The following PELI2 variants were observed in gnomAD, a reference collection of about 807,000 sequenced individuals.
PELI2 encodes E3 ubiquitin-protein ligase pellino homolog 2.
A neutral mutation model predicts 42.3 loss-of-function variants in PELI2; 23 were observed. That is an observed-to-expected ratio of 0.54 (90% CI 0.39 to 0.77). PELI2 has a LOEUF of 0.77. PELI2 is among the 30% of genes least tolerant of loss of function. The pLI is 0.00. For synonymous variants in PELI2, 245 were observed against 212.2 expected (o/e 1.15, Z -1.34); for missense variants, 463 against 553.2 (o/e 0.84, Z 1.64).
In PELI2 at chr14:56,180,488, A is replaced by G. The variant is rs371387056; in HGVS notation, c.207+2024A>G. Reference sequence around the variant, plus strand: ...AGTGTTAGATAGTGACTTTCCTCCAACCAACTTCTATCTCTTTTAAAGGTT... The same window carrying G: ...AGTGTTAGATAGTGACTTTCCTCCAGCCAACTTCTATCTCTTTTAAAGGTT... On this transcript the variant is annotated intron_variant, in intron 2 of 5. Coordinates refer to ENST00000267460, the MANE Select transcript of PELI2 (RefSeq NM_021255.3). This position sits in a 1 kb window ranked among gnomAD's most constrained non-coding sequence, Gnocchi z 4.4. Among the ~76,000 whole-genome samples, 2 of 152,126 alleles carry G rather than the reference A, an allele frequency of 1.3e-5. No homozygotes were observed. The highest frequency in any genetic ancestry group is 1.9e-4 in the East Asian group (1 of 5,194).
intron 2 of PELI2, among the ~76,000 whole-genome samples, chr14:56,257,976 G>C (rs1888579988): frequency 6.6e-6 from 1 of 152,174 alleles, no homozygotes; most frequent in Non-Finnish European, 1.5e-5. Flanking sequence ...TTTTGTTTGT[G>C]TGCATGGTGA....
chr14:56,245,955 G>A (rs1594679042), intron 2 of PELI2, among the ~76,000 whole-genome samples: 1 of 152,114 alleles, frequency 6.6e-6, no homozygotes, highest in Non-Finnish European at 1.5e-5. Flanking sequence ...TCAGATTTTG[G>A]TATCTGCAGG....
chr14:56,133,583 C>T (rs1157412841), intron 1 of PELI2, among the ~76,000 whole-genome samples: 2 of 152,172 alleles, frequency 1.3e-5, no homozygotes, highest in African/African-American at 4.8e-5. Context: ...TGGGGCCTTT[C>T]CCCCACCCCC....
At chr14:56,200,199 C>T (rs911862444) in intron 2 of PELI2, among the ~76,000 whole-genome samples, 5 of 152,136 alleles carry the variant, frequency 3.3e-5, no homozygotes, top group Non-Finnish European at 5.9e-5. Context: ...ACTGCTACTA[C>T]ACCACCTTGC....
chr14:56,144,313 G>A (rs76041955), intron 1 of PELI2, among the ~76,000 whole-genome samples: 2 of 152,312 alleles, frequency 1.3e-5, no homozygotes, highest in East Asian at 3.9e-4. Flanking sequence ...TTATGGGGCT[G>A]GCTAGGTGAG....
chr14:56,254,605 C>T (rs544116432), intron 2 of PELI2, among the ~76,000 whole-genome samples: 62 of 152,206 alleles, frequency 4.1e-4, no homozygotes, highest in African/African-American at 1.4e-3. Context: ...ACTAAAACAA[C>T]AAAAGCAATG....
In PELI2 at chr14:56,279,705, A is replaced by T. The variant is rs1042997692; in HGVS notation, c.237A>T (p.Ile79=). ...TCAGCTGCAAAGGTCAACACAGTAT[A>T]TCCTACACTTTGTCAAGGAATCAGA... ...KAISCKGQHS[I]SYTLSRNQTV... The change falls in exon 3 of 6, where the codon ATA becomes ATT. Residue 79 remains isoleucine, a synonymous_variant. Transcript: ENST00000267460. 1 of 1,601,896 alleles carries T rather than the reference A, an allele frequency of 6.2e-7. No homozygotes were observed. Among genetic ancestry groups the T allele is most frequent in the African/African-American group, 1.3e-5 (1 of 74,770 alleles).
At chr14:56,212,583 C>T (rs1299012868) in intron 2 of PELI2, among the ~76,000 whole-genome samples, 1 of 152,176 alleles carries the variant, frequency 6.6e-6, no homozygotes, top group Non-Finnish European at 1.5e-5. Context: ...TGAAGCTCCT[C>T]AATGCTGTCT....
intron 2 of PELI2, among the ~76,000 whole-genome samples, chr14:56,241,144 C>A (rs1887960995): frequency 6.6e-6 from 1 of 152,086 alleles, no homozygotes; most frequent in African/African-American, 2.4e-5. Flanking sequence ...AGAAAAAGAC[C>A]TTACAGATAG....
intron 2 of PELI2, among the ~76,000 whole-genome samples, chr14:56,217,624 C>G (rs1237892111): frequency 6.6e-6 from 1 of 152,216 alleles, no homozygotes; most frequent in Non-Finnish European, 1.5e-5. Context: ...ACATTTGATA[C>G]CCTTTCATTC....
chr14:56,216,041 C>T (rs1283861495), intron 2 of PELI2, among the ~76,000 whole-genome samples: 3 of 152,170 alleles, frequency 2.0e-5, no homozygotes, highest in Non-Finnish European at 4.4e-5. Flanking sequence ...TTATATTTTG[C>T]AGAGATGTCA....
chr14:56,170,933 G>A (rs1229122365), intron 1 of PELI2, among the ~76,000 whole-genome samples: 5 of 152,128 alleles, frequency 3.3e-5, no homozygotes, highest in Non-Finnish European at 7.4e-5. Flanking sequence ...TTATGGGCTC[G>A]AATTGAAACA....
chr14:56,226,334 G>A (rs1033816740), intron 2 of PELI2, among the ~76,000 whole-genome samples: 11 of 152,104 alleles, frequency 7.2e-5, no homozygotes, highest in Non-Finnish European at 1.3e-4. Flanking sequence ...CAGCCTCACT[G>A]GCCAGCCCAC....
rs1011857609 is a variant in PELI2, at chr14:56,282,785, G to A, written c.309+3008G>A. Among the ~76,000 whole-genome samples, 13 of 151,940 alleles carry A rather than the reference G, an allele frequency of 8.6e-5. No individual in the cohort carries two copies. The East Asian group carries it at 2.5e-3, about 29-fold the overall frequency. On this transcript the variant is annotated intron_variant, in intron 3 of 5. Transcript: ENST00000267460. ...AAAATATCTTCCTACATAAGTATAT[G>A]TATATTCTCCCCTGTTGATATTTTT... is the stretch of plus-strand genomic sequence containing the variant.
intron 2 of PELI2, among the ~76,000 whole-genome samples, chr14:56,230,252 C>T (rs1887508143): frequency 6.6e-6 from 1 of 152,106 alleles, no homozygotes; most frequent in Non-Finnish European, 1.5e-5. Context: ...ACAGAGAATG[C>T]CACAAAGATA....
At chr14:56,153,545 A>C (rs1884442297) in intron 1 of PELI2, among the ~76,000 whole-genome samples, 1 of 152,190 alleles carries the variant, frequency 6.6e-6, no homozygotes, top group South Asian at 2.1e-4. Context: ...GAGTGTCCTT[A>C]GGCCCTAGAA....
At chr14:56,248,308 T>C (rs1888229692) in intron 2 of PELI2, among the ~76,000 whole-genome samples, 1 of 152,214 alleles carries the variant, frequency 6.6e-6, no homozygotes, top group South Asian at 2.1e-4. Flanking sequence ...GCGCACATTT[T>C]AATTTATTCT....
chr14:56,132,843 T>G (rs146957338), intron 1 of PELI2, among the ~76,000 whole-genome samples: 45 of 152,318 alleles, frequency 3.0e-4, no homozygotes, highest in African/African-American at 1.1e-3. Flanking sequence ...GTTAAGCCAG[T>G]TTTAAGTTAT....
At chr14:56,205,128 C>G (rs968083680) in intron 2 of PELI2, among the ~76,000 whole-genome samples, 1 of 151,970 alleles carries the variant, frequency 6.6e-6, no homozygotes, top group Non-Finnish European at 1.5e-5. Flanking sequence ...GAGAAGCCTG[C>G]TAGCTTTGCC....
Sources: gnomAD v4.1 joint callset for allele counts (sites outside exome capture counted in the v4.1 genomes callset) on GRCh38, gnomAD v4.1.1 for gene constraint, Gnocchi (gnomAD v3.1) non-coding constraint, MANE v1.5 for transcripts, NCBI Gene and HGNC (gene_info 2026-07-23, HGNC 2026-07-21) for gene names.